Variants in KLHL4 observed in about 807,000 individuals in gnomAD.
KLHL4 encodes the protein kelch-like protein 4.
In KLHL4, 17 loss-of-function variants were observed where a neutral mutation model predicts 45.8. The ratio of observed to expected loss-of-function variants is 0.37; its 90% confidence interval spans 0.25 to 0.56. KLHL4 has a LOEUF of 0.56. KLHL4 is among the 20% of genes least tolerant of loss of function. KLHL4 has a pLI of 0.79. For missense variants in KLHL4, 544 were observed against 544.9 expected (o/e 1.00, Z 0.02); for synonymous variants, 224 against 189.9 (o/e 1.18, Z -1.47).
intron 1 of KLHL4, among the ~76,000 whole-genome samples, chrX:87,613,658 T>C (rs760419825): frequency 8.9e-6 from 1 of 111,775 alleles, no homozygotes; most frequent in African/African-American, 3.2e-5. Flanking sequence ...ATATAAATAA[T>C]AACCAGCACA....
chrX:87,669,491 T>C lies in KLHL4; in HGVS notation c.*2957T>C. The C allele has an allele frequency of 9.5e-7, 1 of 1,048,820 alleles. No individual in the cohort carries two copies. Among genetic ancestry groups the C allele is most frequent in the Non-Finnish European group, 1.3e-6 (1 of 790,244 alleles). The allele number at this position is 1,048,820 out of a possible 1,213,427, so 86.4% of individuals were successfully genotyped here. On this transcript the variant is annotated 3_prime_UTR_variant, in exon 11 of 11. Transcript: ENST00000373119. ...ATATGGAGGGAACACTGAAAGACAG[T>C]TTCCTTCTGGAGTTCCAAATGCAAT...
rs374467110 is a variant in KLHL4, at chrX:87,668,457, T to A, written c.*1923T>A. Reference sequence around the variant, plus strand: ...GACTCATAGAAGAGACATGTATGTTTCCCGGGGCTACCCCTTCATAGCTGC... The same window carrying A: ...GACTCATAGAAGAGACATGTATGTTACCCGGGGCTACCCCTTCATAGCTGC... On this transcript the variant is annotated 3_prime_UTR_variant, in exon 11 of 11. Coordinates refer to ENST00000373119, the MANE Select transcript of KLHL4 (RefSeq NM_019117.5). 22 of 751,878 alleles carry A rather than the reference T, an allele frequency of 2.9e-5. No individual in the cohort carries two copies. In the East Asian group the frequency reaches 1.2e-3, roughly 42 times the overall value. 62.0% of individuals were successfully genotyped at this position (751,878 alleles called of 1,213,427 possible).
chrX:87,628,280 T>A, intron 6 of KLHL4, among the ~76,000 whole-genome samples: 1 of 111,121 alleles, frequency 9.0e-6, no homozygotes, highest in Middle Eastern at 4.7e-3. Flanking sequence ...CTTATTCAAA[T>A]ATGATGTTCC....
intron 4 of KLHL4, among the ~76,000 whole-genome samples, chrX:87,619,494 TC>T (rs913092813): frequency 9.0e-6 from 1 of 111,418 alleles, no homozygotes; most frequent in African/African-American, 3.3e-5. Flanking sequence ...ACCATTTATG[TC>T]CCTGCGTCCT....
chrX:87,666,685 T>G lies in KLHL4; in HGVS notation c.*151T>G, dbSNP rs1029606563. On this transcript the variant is annotated 3_prime_UTR_variant, in exon 11 of 11. Coordinates refer to ENST00000373119, the MANE Select transcript of KLHL4 (RefSeq NM_019117.5). ...ATTTTAATTTGTAGTTACAATTGCT[T>G]TCATTCGTGAAGCCGAAACGTTTTT... is the stretch of plus-strand genomic sequence containing the variant. 3.6e-5 allele frequency: 35 copies of G among 985,893 alleles called. No homozygotes were observed. The highest frequency in any genetic ancestry group is 7.8e-5 in the South Asian group (2 of 25,685). 81.2% of individuals were successfully genotyped at this position (985,893 alleles called of 1,213,427 possible).
At chrX:87,606,312 T>C (rs1375910132) in intron 1 of KLHL4, among the ~76,000 whole-genome samples, 1 of 111,158 alleles carries the variant, frequency 9.0e-6, no homozygotes, top group Non-Finnish European at 1.9e-5. Context: ...GTTACTTAAA[T>C]GTTTGGTAGA....
At chrX:87,575,285 G>A (rs1921062582) in intron 1 of KLHL4, among the ~76,000 whole-genome samples, 1 of 111,342 alleles carries the variant, frequency 9.0e-6, no homozygotes, top group Non-Finnish European at 1.9e-5. Flanking sequence ...AGCAGCATTA[G>A]ATTCTCATAG....
intron 1 of KLHL4, among the ~76,000 whole-genome samples, chrX:87,548,373 A>AAAAC (rs201084094): frequency 8.9e-6 from 1 of 112,030 alleles, no homozygotes; most frequent in Non-Finnish European, 1.9e-5. Flanking sequence ...GTACTTCAGG[A>AAAAC]AAACAAACAA....
At position 87,625,711 on chromosome X, in the gene KLHL4, A is replaced by C; in HGVS notation, c.1239A>C (p.Arg413Ser). 3 of 1,209,921 alleles carry C rather than the reference A, an allele frequency of 2.5e-6. No homozygotes were observed. Among genetic ancestry groups the C allele is most frequent in the Non-Finnish European group, 3.4e-6 (3 of 894,232 alleles). The change falls in exon 6 of 11, where the codon AGA becomes AGC. Residue 413 changes from arginine (R) to serine (S), a missense_variant. By Grantham distance (110) the Arg-to-Ser change is moderately radical. Transcript: ENST00000373119. The stretch of plus-strand genomic sequence containing the variant: ...AGTATCATCTTTTGCCTGAGAGAAG[A>C]TCCATGATGCAAAGCCCTCGGACAA... The part of the protein sequence containing the change: ...AMKYHLLPER[R>S]SMMQSPRTKP...
intron 10 of KLHL4, among the ~76,000 whole-genome samples, chrX:87,666,191 C>T (rs1431817716): frequency 9.0e-6 from 1 of 110,933 alleles, no homozygotes; most frequent in African/African-American, 3.3e-5. Context: ...AAAACCTTGA[C>T]GTGTTAGTAT....
At position 87,577,505 on chromosome X, in the gene KLHL4, C is replaced by T. The variant is rs995415384; in HGVS notation, c.423-36372C>T. ...CTCAAACAGTTGTTGACTGAAGATT[C>T]ATTTGATGAGGGCAATTTGTCTGAA... On this transcript the variant is annotated intron_variant, in intron 1 of 10. Coordinates refer to ENST00000373119, the MANE Select transcript of KLHL4 (RefSeq NM_019117.5). Among the ~76,000 whole-genome samples, 4 of 111,726 alleles carry T rather than the reference C, an allele frequency of 3.6e-5. No individual in the cohort carries two copies. The Admixed American group carries it at 3.8e-4, about 11-fold the overall frequency.
chrX:87,565,685 CAAAAAAA>C (rs748577568), intron 1 of KLHL4, among the ~76,000 whole-genome samples: 4 of 26,258 alleles, frequency 1.5e-4, no homozygotes, highest in African/African-American at 4.9e-4. Flanking sequence ...GTGATTGTGC[CAAAAAAA>C]AAAAAAAAAA....
At chrX:87,578,901 G>A (rs758977337) in intron 1 of KLHL4, among the ~76,000 whole-genome samples, 10 of 112,286 alleles carry the variant, frequency 8.9e-5, no homozygotes, top group Non-Finnish European at 1.3e-4. Context: ...CACAGAACCT[G>A]AGGCTTCTTT....
intron 1 of KLHL4, among the ~76,000 whole-genome samples, chrX:87,554,977 A>G (rs1230670586): frequency 2.8e-5 from 3 of 106,042 alleles, no homozygotes; most frequent in African/African-American, 1.0e-4. Context: ...TGAGATAAGC[A>G]TGTGGTTTTT....
rs769425400 is a variant in KLHL4, at chrX:87,668,222, C to T, written c.*1688C>T. 3 of 751,391 alleles carry T rather than the reference C, an allele frequency of 4.0e-6. No homozygotes were observed. Among genetic ancestry groups the T allele is most frequent in the South Asian group, 6.8e-5 (1 of 14,652 alleles). 61.9% of individuals were successfully genotyped at this position (751,391 alleles called of 1,213,427 possible). On this transcript the variant is annotated 3_prime_UTR_variant, in exon 11 of 11. Coordinates refer to ENST00000373119, the MANE Select transcript of KLHL4 (RefSeq NM_019117.5). ...GAAGTAGAGTTACCTAAACCTTTAT[C>T]GCCAATGCACAGCTTGGCCTGTTAA...
chrX:87,548,720 G>A (rs752545047), intron 1 of KLHL4, among the ~76,000 whole-genome samples: 1 of 109,070 alleles, frequency 9.2e-6, no homozygotes, highest in East Asian at 2.9e-4. Context: ...ATCTGATAAA[G>A]GTAATATTAA....
At chrX:87,553,764 A>C (rs147511208) in intron 1 of KLHL4, among the ~76,000 whole-genome samples, 6,516 of 111,107 alleles carry the variant, frequency 0.059, 150 homozygotes, top group Middle Eastern at 0.12. Flanking sequence ...TCAAATGACA[A>C]CTTTTGTTTT....
chrX:87,657,211 A>G (rs1357266171), intron 9 of KLHL4, among the ~76,000 whole-genome samples: 4 of 111,867 alleles, frequency 3.6e-5, no homozygotes, highest in Non-Finnish European at 7.5e-5. Flanking sequence ...AGATGGGTTT[A>G]TGCTTTATAT....
intron 9 of KLHL4, among the ~76,000 whole-genome samples, chrX:87,650,442 G>A (rs1019423936): frequency 6.2e-5 from 7 of 112,131 alleles, no homozygotes; most frequent in African/African-American, 2.3e-4. Flanking sequence ...CGCTCCATAA[G>A]CAAAAGCTAT....
Sources: gnomAD v4.1 joint callset for allele counts (sites outside exome capture counted in the v4.1 genomes callset) on GRCh38, gnomAD v4.1.1 for gene constraint, MANE v1.5 for transcripts, NCBI Gene and HGNC (gene_info 2026-07-23, HGNC 2026-07-21) for gene names.